The following DLC1 variants were observed in gnomAD, a reference collection of about 807,000 sequenced individuals.
The protein encoded by DLC1 is DLC1 Rho GTPase activating protein, also known as rho GTPase-activating protein 7.
DLC1 carries 54 observed loss-of-function variants against 140.3 expected under a neutral mutation model. The ratio of observed to expected loss-of-function variants is 0.38; its 90% CI spans 0.31 to 0.48. DLC1 has a LOEUF of 0.48. DLC1 is among the 20% of genes least tolerant of loss of function. DLC1 has a pLI of 0.96. For missense variants in DLC1, 2,536 were observed against 1,907.0 expected, an observed-to-expected ratio of 1.33 and a Z score of -6.14; for synonymous variants, 986 against 728.1, an observed-to-expected ratio of 1.35 and a Z score of -5.70.
At chr8:13,214,732 G>A (rs563792639) in intron 5 of DLC1, 1 of 780,908 alleles carries the variant, frequency 1.3e-6, no homozygotes, top group South Asian at 1.3e-5. Flanking sequence ...GGATCCCTTT[G>A]TGCTCTTATC....
intron 5 of DLC1, among the ~76,000 whole-genome samples, chr8:13,208,862 G>C (rs1827801213): frequency 1.3e-5 from 2 of 152,038 alleles, no homozygotes; most frequent in African/African-American, 2.4e-5. Context: ...AATAAAAAAT[G>C]TTTCTATCAG....
chr8:13,346,605 G>C (rs1270164558), intron 4 of DLC1, among the ~76,000 whole-genome samples: 1 of 152,210 alleles, frequency 6.6e-6, no homozygotes, highest in Non-Finnish European at 1.5e-5. Flanking sequence ...ACAAGAACTT[G>C]ATGGCAAAGC....
chr8:13,455,064 T>C (rs1274738796), intron 2 of DLC1, among the ~76,000 whole-genome samples: 1 of 152,130 alleles, frequency 6.6e-6, no homozygotes, highest in Non-Finnish European at 1.5e-5. Context: ...ATTTAATGAG[T>C]AAATAAATTA....
intron 1 of DLC1, among the ~76,000 whole-genome samples, chr8:13,535,687 A>AAAAAAAAAAAAACAAAAAAAAAT (rs1803254185): frequency 6.7e-6 from 1 of 150,022 alleles, no homozygotes; most frequent in Non-Finnish European, 1.5e-5. Context: ...AAAAAAAAGA[A>AAAAAAAAAAAAACAAAAAAAAAT]AAGAAAACAA....
chr8:13,476,283 C>T (rs1437004310), intron 2 of DLC1, among the ~76,000 whole-genome samples: 1 of 152,122 alleles, frequency 6.6e-6, no homozygotes, highest in Non-Finnish European at 1.5e-5. Flanking sequence ...AATCATTATA[C>T]TAATTATCCC....
chr8:13,229,750 C>T (rs1828959666), intron 5 of DLC1, among the ~76,000 whole-genome samples: 1 of 152,074 alleles, frequency 6.6e-6, no homozygotes, highest in Non-Finnish European at 1.5e-5. Flanking sequence ...TTACCAAGAG[C>T]TAAGAAGTGC....
chr8:13,552,387 C>A (rs1386743781), intron 1 of DLC1, among the ~76,000 whole-genome samples: 1 of 149,934 alleles, frequency 6.7e-6, no homozygotes, highest in East Asian at 2.0e-4. Flanking sequence ...TATTTATGGA[C>A]AAAGTTTTAA....
At chr8:13,577,348 T>A (rs1804880649) in intron 1 of DLC1, among the ~76,000 whole-genome samples, 1 of 152,218 alleles carries the variant, frequency 6.6e-6, no homozygotes, top group Non-Finnish European at 1.5e-5. Flanking sequence ...ATGCGATGGG[T>A]CAGTGTCCGT....
chr8:13,096,924 G>C (rs2128934247), intron 10 of DLC1, among the ~76,000 whole-genome samples: 1 of 152,300 alleles, frequency 6.6e-6, no homozygotes, highest in Non-Finnish European at 1.5e-5. Flanking sequence ...AGATGACACT[G>C]AAAAATGCAC....
At chr8:13,496,938 C>T (rs867779133) in intron 2 of DLC1, among the ~76,000 whole-genome samples, 1 of 151,510 alleles carries the variant, frequency 6.6e-6, no homozygotes, top group African/African-American at 2.4e-5. Flanking sequence ...GTAGCTGGGA[C>T]TATAGGCGCC....
At chr8:13,588,953 A>T (rs1805424503) in intron 1 of DLC1, among the ~76,000 whole-genome samples, 1 of 152,140 alleles carries the variant, frequency 6.6e-6, no homozygotes, top group Non-Finnish European at 1.5e-5. Context: ...AATGGGTGAC[A>T]GATGGAGTCA....
chr8:13,588,018 A>G (rs144461917), intron 1 of DLC1, among the ~76,000 whole-genome samples: 2 of 152,086 alleles, frequency 1.3e-5, no homozygotes, highest in African/African-American at 2.4e-5. Flanking sequence ...CCTTTATTAT[A>G]TAGGTCCTAC....
intron 5 of DLC1, among the ~76,000 whole-genome samples, chr8:13,153,198 C>G (rs1823968837): frequency 6.6e-6 from 1 of 152,120 alleles, no homozygotes; most frequent in Non-Finnish European, 1.5e-5. Context: ...CTGACGTGTT[C>G]AGGGTTTTTT....
chr8:13,098,587 G>A lies in DLC1; in HGVS notation c.2991-12C>T, dbSNP rs778224167. 28 of 1,609,990 alleles carry A rather than the reference G, an allele frequency of 1.7e-5. No homozygotes were observed. Among genetic ancestry groups the A allele is most frequent in the Non-Finnish European group, 2.3e-5 (27 of 1,178,410 alleles). ...ATCTCAGTCGGTGCCTGCGAGAGAA[G>A]AGGAGAGGAAAATGAGTGTGAAGCC... On this transcript the variant is annotated splice_polypyrimidine_tract_variant and intron_variant, in intron 9 of 17. Transcript: ENST00000276297.
rs1035009328 is a variant in DLC1, at chr8:13,100,404, C to G, written c.1933G>C (p.Glu645Gln). Residue 645 changes from glutamate to glutamine, a missense_variant, in exon 9 of 18, where the codon GAA becomes CAA. By Grantham distance (29) the Glu-to-Gln change is conservative. Transcript: ENST00000276297. ...ATGCTGAAGCTGAAGCTGGACAGTT[C>G]CTTGGGAGAGGGCAGGCTGCCGAAA... ...DSFGSLPSPK[E>Q]LSSFSFSMKG... The G allele has an allele frequency of 1.5e-5, 25 of 1,614,008 alleles. No homozygotes were observed. Among genetic ancestry groups the G allele is most frequent in the Non-Finnish European group, 2.1e-5 (25 of 1,180,050 alleles).
At chr8:13,307,853 C>G (rs1265035983) in intron 4 of DLC1, among the ~76,000 whole-genome samples, 1 of 152,162 alleles carries the variant, frequency 6.6e-6, no homozygotes, top group South Asian at 2.1e-4. Context: ...AGGCACAATA[C>G]AGGCATGCTG....
chr8:13,164,977 C>T (rs1013478209), intron 5 of DLC1, among the ~76,000 whole-genome samples: 16 of 152,212 alleles, frequency 1.1e-4, no homozygotes, highest in South Asian at 4.1e-4. Context: ...TTTGTAGCCC[C>T]GGATATCAGT....
intron 4 of DLC1, among the ~76,000 whole-genome samples, chr8:13,358,024 A>G (rs66970285): frequency 0.19 from 28,877 of 152,142 alleles, 3,030 homozygotes; most frequent in Non-Finnish European, 0.24. Context: ...ATAAAACTGT[A>G]TAAAATTAGG....
chr8:13,238,956 C>T (rs1002756773), intron 5 of DLC1, among the ~76,000 whole-genome samples: 2 of 152,136 alleles, frequency 1.3e-5, no homozygotes, highest in Non-Finnish European at 2.9e-5. Flanking sequence ...AGTGCACAGT[C>T]CCTGGCGTCA....
Sources: allele counts gnomAD v4.1 joint callset (sites outside exome capture counted in the v4.1 genomes callset), GRCh38; gene constraint gnomAD v4.1.1; transcripts MANE v1.5; gene names NCBI Gene and HGNC (gene_info 2026-07-23, HGNC 2026-07-21).